Variants in SGCZ observed in about 807,000 individuals in gnomAD.
SGCZ encodes sarcoglycan zeta.
In SGCZ, 40 loss-of-function variants were observed where a neutral mutation model predicts 41.3. The observed-to-expected ratio is 0.97, with a 90% CI of 0.75 to 1.26. SGCZ has a LOEUF of 1.26. Ranked by LOEUF, SGCZ falls within the 50% of genes most tolerant of loss-of-function variation. The probability of loss-of-function intolerance (pLI) is 0.00; values close to 1 mark genes in which losing one functional copy is unlikely to be tolerated. For missense variants in SGCZ, 552 were observed against 369.8 expected (o/e 1.49, Z -4.04); for synonymous variants, 206 against 137.5 (o/e 1.50, Z -3.49).
chr8:14,597,372 A>G (rs1044202233), intron 1 of SGCZ, among the ~76,000 whole-genome samples: 11 of 152,244 alleles, frequency 7.2e-5, no homozygotes, highest in Admixed American at 2.0e-4. Context: ...AGTGCTTTCA[A>G]TAGTAATAAA....
intron 3 of SGCZ, among the ~76,000 whole-genome samples, chr8:14,298,046 T>C (rs1801072002): frequency 6.6e-6 from 1 of 152,032 alleles, no homozygotes. Context: ...TGTAGGATGA[T>C]TTAAATATTT....
intron 1 of SGCZ, among the ~76,000 whole-genome samples, chr8:14,616,901 G>A (rs1481555118): frequency 6.6e-6 from 1 of 152,062 alleles, no homozygotes; most frequent in African/African-American, 2.4e-5. Context: ...TAGTTGGAAA[G>A]TTACAGCAAA....
intron 1 of SGCZ, among the ~76,000 whole-genome samples, chr8:14,801,037 G>C (rs1425347889): frequency 1.3e-5 from 2 of 152,192 alleles, no homozygotes; most frequent in Admixed American, 6.6e-5. Context: ...TTTCAATTAT[G>C]AGTGTTTCTG....
rs556587440 is a variant in SGCZ at position 14,625,129 on chromosome 8, T to A, written c.40-70203A>T. ...AACTGATAATACTGTGGTTGCAATATAATACATTGCTATTGAAATTTGCTC... is the reference window on the plus strand; with the variant it reads ...AACTGATAATACTGTGGTTGCAATAAAATACATTGCTATTGAAATTTGCTC... On this transcript the variant is annotated intron_variant, in intron 1 of 7. Coordinates refer to ENST00000382080, the MANE Select transcript of SGCZ (RefSeq NM_139167.4). Among the ~76,000 whole-genome samples the A allele has an allele frequency of 1.9e-3, 290 of 152,334 alleles. 2 individuals are homozygous for A. The highest frequency in any genetic ancestry group is 3.0e-3 in the Admixed American group (46 of 15,302).
intron 1 of SGCZ, among the ~76,000 whole-genome samples, chr8:14,958,428 C>G (rs576762609): frequency 1.3e-5 from 2 of 151,948 alleles, no homozygotes; most frequent in African/African-American, 4.8e-5. Context: ...AATACTGATA[C>G]GTTAGGTAAC....
intron 1 of SGCZ, among the ~76,000 whole-genome samples, chr8:14,784,405 T>C (rs1358521394): frequency 1.5e-5 from 1 of 64,896 alleles, no homozygotes; most frequent in Non-Finnish European, 2.7e-5. Context: ...ATGTCACATA[T>C]ATCAGAAAAA....
chr8:15,126,696 A>C (rs1220507530), intron 1 of SGCZ, among the ~76,000 whole-genome samples: 1 of 152,208 alleles, frequency 6.6e-6, no homozygotes. Flanking sequence ...GTTGAGGCAC[A>C]ACAGGAAGAG....
intron 2 of SGCZ, among the ~76,000 whole-genome samples, chr8:14,433,657 G>C (rs1297711409): frequency 1.3e-5 from 2 of 151,950 alleles, no homozygotes; most frequent in Admixed American, 6.6e-5. Context: ...AAATAAAAAA[G>C]GTGCAGCTTG....
At chr8:14,729,848 G>A (rs886802777) in intron 1 of SGCZ, among the ~76,000 whole-genome samples, 1 of 152,172 alleles carries the variant, frequency 6.6e-6, no homozygotes, top group Non-Finnish European at 1.5e-5. Flanking sequence ...AGTTTAGGAG[G>A]ACGAGGCAGG....
intron 1 of SGCZ, among the ~76,000 whole-genome samples, chr8:14,787,254 T>C (rs938194513): frequency 6.6e-6 from 1 of 152,024 alleles, no homozygotes; most frequent in Admixed American, 6.6e-5. Context: ...CACAAGACAA[T>C]GAAATTCAGG....
intron 2 of SGCZ, among the ~76,000 whole-genome samples, chr8:14,544,468 A>G (rs969782041): frequency 6.6e-6 from 1 of 152,076 alleles, no homozygotes; most frequent in African/African-American, 2.4e-5. Flanking sequence ...TCTTGCAGAG[A>G]GCCTATAAAC....
intron 1 of SGCZ, among the ~76,000 whole-genome samples, chr8:14,852,730 G>A (rs1268051725): frequency 1.3e-5 from 2 of 152,122 alleles, no homozygotes; most frequent in African/African-American, 4.8e-5. Context: ...TTATGTTGGA[G>A]CAGGACCATA....
intron 1 of SGCZ, among the ~76,000 whole-genome samples, chr8:14,614,862 G>T (rs771572881): frequency 6.6e-6 from 1 of 152,046 alleles, no homozygotes; most frequent in Non-Finnish European, 1.5e-5. Flanking sequence ...TATATGTAAT[G>T]TTGATGACTA....
intron 1 of SGCZ, among the ~76,000 whole-genome samples, chr8:14,673,465 A>ACT (rs142795356): frequency 3.0e-5 from 4 of 133,840 alleles, no homozygotes; most frequent in Non-Finnish European, 6.5e-5. Context: ...TCTCTCTCTC[A>ACT]CTCTCTCTCT....
chr8:14,122,033 C>A (rs1418927889), intron 5 of SGCZ, among the ~76,000 whole-genome samples: 1 of 152,156 alleles, frequency 6.6e-6, no homozygotes, highest in Admixed American at 6.5e-5. Context: ...AATCCCAGCA[C>A]TTTGGGAGGC....
intron 1 of SGCZ, among the ~76,000 whole-genome samples, chr8:15,233,809 T>C (rs1235273636): frequency 2.0e-5 from 3 of 152,142 alleles, no homozygotes; most frequent in South Asian, 4.1e-4. Context: ...AAAAAACTAA[T>C]TTAACTTCCA....
chr8:15,066,619 C>T (rs1391407020), intron 1 of SGCZ, among the ~76,000 whole-genome samples: 1 of 152,136 alleles, frequency 6.6e-6, no homozygotes, highest in Admixed American at 6.5e-5. Context: ...CTCAAAACAT[C>T]CTACCAGTGT....
chr8:14,843,714 A>G (rs1428279383), intron 1 of SGCZ, among the ~76,000 whole-genome samples: 1 of 152,198 alleles, frequency 6.6e-6, no homozygotes, highest in Non-Finnish European at 1.5e-5. Flanking sequence ...TAAATGCTAA[A>G]GATGAATAAA....
intron 1 of SGCZ, among the ~76,000 whole-genome samples, chr8:15,063,513 G>T: frequency 1.3e-5 from 2 of 152,214 alleles, no homozygotes; most frequent in Admixed American, 1.3e-4. Context: ...TACAGTGAAA[G>T]GATGGCCCAA....
Sources: allele counts gnomAD v4.1 joint callset (sites outside exome capture counted in the v4.1 genomes callset), GRCh38; gene constraint gnomAD v4.1.1; transcripts MANE v1.5; gene names NCBI Gene and HGNC (gene_info 2026-07-23, HGNC 2026-07-21).